The following SRBD1 variants were observed in gnomAD, a reference collection of about 807,000 sequenced individuals.
SRBD1 encodes the protein S1 RNA-binding domain-containing protein 1.
SRBD1 carries 88 observed loss-of-function variants against 115.3 expected under a neutral mutation model. The observed-to-expected ratio is 0.76, with a 90% confidence interval of 0.64 to 0.91. The LOEUF is 0.91. Ranked by LOEUF, SRBD1 falls within the 40% of genes least tolerant of loss-of-function variation. The pLI is 0.00. For synonymous variants in SRBD1, 509 were observed against 407.7 expected (o/e 1.25, Z -2.99); for missense variants, 1,385 against 1,177.4 (o/e 1.18, Z -2.58).
intron 16 of SRBD1, among the ~76,000 whole-genome samples, chr2:45,423,381 T>C (rs1668061952): frequency 6.6e-6 from 1 of 152,178 alleles, no homozygotes; most frequent in Middle Eastern, 3.2e-3. Context: ...CACATAAAAT[T>C]AAATCAGATG....
In SRBD1 at chr2:45,427,009, T is replaced by C. The variant is rs567546788; in HGVS notation, c.2050-7115A>G. The stretch of plus-strand genomic sequence containing the variant: ...TGGATGGAGAATTAATTTGATGAAA[T>C]TGACAGAAGTAGGCTTCAGAAAGTG... On this transcript the variant is annotated intron_variant, in intron 16 of 20. Coordinates refer to ENST00000263736, the MANE Select transcript of SRBD1 (RefSeq NM_018079.5). Among the ~76,000 whole-genome samples, 4 of 152,242 alleles carry C rather than the reference T, an allele frequency of 2.6e-5. No homozygotes were observed. In the South Asian group the frequency reaches 6.2e-4, roughly 24 times the overall value.
chr2:45,512,903 C>G (rs1229806804), intron 14 of SRBD1, among the ~76,000 whole-genome samples: 2 of 152,036 alleles, frequency 1.3e-5, no homozygotes, highest in African/African-American at 2.4e-5. Context: ...AAAGGTCTGT[C>G]CCCTTTAACC....
At chr2:45,393,156 AC>A in intron 19 of SRBD1, 27 bp from the exon 20 acceptor site, 3 of 1,572,864 alleles carry the variant, frequency 1.9e-6, no homozygotes, top group African/African-American at 2.7e-5. Flanking sequence ...AAAAAGCGCA[AC>A]ACTTAACAAT....
intron 14 of SRBD1, among the ~76,000 whole-genome samples, chr2:45,533,761 C>T (rs145956698): frequency 7.8e-4 from 119 of 152,138 alleles, no homozygotes; most frequent in African/African-American, 2.8e-3. Flanking sequence ...TACATTAATG[C>T]TGAACATGTT....
chr2:45,467,081 C>T (rs1307788972), intron 16 of SRBD1, among the ~76,000 whole-genome samples: 1 of 152,190 alleles, frequency 6.6e-6, no homozygotes, highest in Non-Finnish European at 1.5e-5. Flanking sequence ...ACTACAGGGT[C>T]CAATCCCCCT....
At position 45,573,289 on chromosome 2, in the gene SRBD1, T is replaced by C. The variant is rs770100695; in HGVS notation, c.1223A>G (p.Lys408Arg). ...IQSSLAKVSS[K>R]KVNEKDVDKF... Reference sequence around the variant, plus strand: ...ATCAACATCTTTCTCATTTACCTTTTTTGAGGATACTTTTGCCAGAGATGA... The same window carrying C: ...ATCAACATCTTTCTCATTTACCTTTCTTGAGGATACTTTTGCCAGAGATGA... The change falls in exon 9 of 21, where the codon AAA becomes AGA. Residue 408 changes from lysine (K) to arginine (R), a missense_variant. By Grantham distance (26) the Lys-to-Arg change is conservative. Coordinates refer to ENST00000263736, the MANE Select transcript of SRBD1 (RefSeq NM_018079.5). 1.7e-5 allele frequency: 27 copies of C among 1,612,470 alleles called. No homozygotes were observed. Among genetic ancestry groups the C allele is most frequent in the Non-Finnish European group, 2.2e-5 (26 of 1,179,402 alleles).
intron 16 of SRBD1, among the ~76,000 whole-genome samples, chr2:45,459,856 C>A (rs897733292): frequency 6.6e-6 from 1 of 152,132 alleles, no homozygotes; most frequent in African/African-American, 2.4e-5. Flanking sequence ...CCACACTGAA[C>A]AAGGATGGTG....
At chr2:45,547,410 T>C (rs1178527807) in intron 13 of SRBD1, 112 bp downstream of exon 13, 18 of 895,146 alleles carry the variant, frequency 2.0e-5, no homozygotes, top group African/African-American at 3.4e-5. Flanking sequence ...ATATGGTTTA[T>C]TGTCTCTCAC....
chr2:45,499,853 T>C (rs1367578251), intron 14 of SRBD1, among the ~76,000 whole-genome samples: 2 of 130,400 alleles, frequency 1.5e-5, no homozygotes, highest in Non-Finnish European at 3.7e-5. Flanking sequence ...CATTGGTCTA[T>C]GTGTCTGTTT....
intron 15 of SRBD1, among the ~76,000 whole-genome samples, chr2:45,480,630 G>A (rs60317963): frequency 6.6e-6 from 1 of 152,192 alleles, no homozygotes; most frequent in Admixed American, 6.5e-5. Flanking sequence ...TCTTGAGATG[G>A]AATCTACTCC....
chr2:45,509,368 G>A (rs1480346074), intron 14 of SRBD1, among the ~76,000 whole-genome samples: 4 of 151,916 alleles, frequency 2.6e-5, no homozygotes, highest in Admixed American at 6.6e-5. Context: ...AGGCCGAGGC[G>A]GGCGGATCAT....
intron 16 of SRBD1, among the ~76,000 whole-genome samples, chr2:45,443,383 G>A (rs1240795375): frequency 1.3e-5 from 2 of 152,082 alleles, no homozygotes; most frequent in Non-Finnish European, 2.9e-5. Context: ...TTTACTAATT[G>A]GGCAGATGAT....
Position 45,605,414 on chromosome 2 carries a change from C to T in SRBD1, c.28G>A (p.Val10Ile), listed in dbSNP as rs775354842. ...TTCAGTACCACATCCTGGACCTGTA[C>T]TTTCGCTCTTCTTGGCAATGATGAC... Reference protein sequence around the residue: MSSLPRRAKVQVQDVVLKDE... With the variant: MSSLPRRAKIQVQDVVLKDE... The change falls in exon 2 of 21, where the codon GTA (valine) becomes ATA (isoleucine). Residue 10 changes from valine to isoleucine, a missense_variant. Transcript: ENST00000263736. 6.2e-7 allele frequency: 1 copy of T among 1,613,750 alleles called. No homozygotes were observed. Among genetic ancestry groups the T allele is most frequent in the Non-Finnish European group, 8.5e-7 (1 of 1,179,978 alleles).
chr2:45,440,683 T>G (rs1333835066), intron 16 of SRBD1, among the ~76,000 whole-genome samples: 1 of 152,202 alleles, frequency 6.6e-6, no homozygotes, highest in African/African-American at 2.4e-5. Flanking sequence ...AAAAGTGGAC[T>G]TTAGAAAAAT....
At chr2:45,582,151 T>C (rs1258178362) in intron 5 of SRBD1, among the ~76,000 whole-genome samples, 2 of 152,194 alleles carry the variant, frequency 1.3e-5, no homozygotes, top group African/African-American at 4.8e-5. Context: ...GTAGTTGGCA[T>C]GCAACTACAG....
At chr2:45,432,356 T>C (rs1368159755) in intron 16 of SRBD1, among the ~76,000 whole-genome samples, 1 of 152,160 alleles carries the variant, frequency 6.6e-6, no homozygotes, top group Non-Finnish European at 1.5e-5. Context: ...CTAAAAATCA[T>C]ATCTATTTGG....
At chr2:45,491,846 G>C (rs754107511) in intron 14 of SRBD1, among the ~76,000 whole-genome samples, 1 of 152,078 alleles carries the variant, frequency 6.6e-6, no homozygotes, top group Non-Finnish European at 1.5e-5. Context: ...TTTTGAGACA[G>C]AGTCTCACTC....
chr2:45,551,498 A>C lies in SRBD1; in HGVS notation c.1518-216T>G, dbSNP rs374456162. Among the ~76,000 whole-genome samples the C allele has an allele frequency of 8.3e-4, 127 of 152,358 alleles. 1 individual carries two copies. Among genetic ancestry groups the C allele is most frequent in the African/African-American group, 3.0e-3 (123 of 41,586 alleles). ...ATTCTGAAGCAAGTCTTGTAAGTTT[A>C]TCATACCTACATTACCTCTCTATCT... On this transcript the variant is annotated intron_variant, in intron 11 of 20. Transcript: ENST00000263736.
chr2:45,574,508 C>T (rs1166661373), intron 8 of SRBD1, 119 bp downstream of exon 8: 2 of 827,218 alleles, frequency 2.4e-6, no homozygotes, highest in Non-Finnish European at 3.7e-6. Context: ...AAGAGTTTTG[C>T]TACTTTAAAA....
Sources: allele counts gnomAD v4.1 joint callset (sites outside exome capture counted in the v4.1 genomes callset), GRCh38; gene constraint gnomAD v4.1.1; transcripts MANE v1.5; gene names NCBI Gene and HGNC (gene_info 2026-07-23, HGNC 2026-07-21).